DPP10: variants seen among roughly 807,000 people sequenced by gnomAD.
The protein encoded by DPP10 is dipeptidyl peptidase like 10, also known as inactive dipeptidyl peptidase 10.
A neutral mutation model predicts 120.9 loss-of-function variants in DPP10; 33 were observed. The ratio of observed to expected loss-of-function variants is 0.27; its 90% CI spans 0.21 to 0.37. DPP10 has a LOEUF of 0.37. Ranked by LOEUF, DPP10 falls within the 10% of genes least tolerant of loss-of-function variation. The pLI, the probability that DPP10 is intolerant of heterozygous loss-of-function variation, is 1.00. For missense variants in DPP10, 816 were observed against 942.8 expected, an observed-to-expected ratio of 0.87 and a Z score of 1.76; for synonymous variants, 337 against 326.1, an observed-to-expected ratio of 1.03 and a Z score of -0.36.
At chr2:115,116,882 C>G (rs796521604) in intron 1 of DPP10, among the ~76,000 whole-genome samples, 7 of 152,260 alleles carry the variant, frequency 4.6e-5, no homozygotes, top group African/African-American at 1.7e-4. Flanking sequence ...ACATTGAGCT[C>G]AAAACCTTCA....
At chr2:114,473,169 C>G (rs1182779191) in intron 1 of DPP10, among the ~76,000 whole-genome samples, 1 of 152,064 alleles carries the variant, frequency 6.6e-6, no homozygotes, top group Non-Finnish European at 1.5e-5. Flanking sequence ...ATATATAGCC[C>G]CAATCTTCTT....
intron 2 of DPP10, among the ~76,000 whole-genome samples, chr2:115,328,836 A>AT (rs1275920456): frequency 6.6e-6 from 1 of 152,084 alleles, no homozygotes; most frequent in Non-Finnish European, 1.5e-5. Flanking sequence ...TGCAAATGCA[A>AT]AAAATGATGC....
chr2:115,084,967 G>C lies in DPP10; in HGVS notation c.61-224272G>C, dbSNP rs1448774190. 2.0e-5 allele frequency among the ~76,000 whole-genome samples: 3 copies of C among 152,158 alleles called. No homozygotes were observed. In the East Asian group the frequency reaches 5.8e-4, roughly 29 times the overall value. On this transcript the variant is annotated intron_variant, in intron 1 of 25. Transcript: ENST00000410059. ...TTGCAAGTTGGCTTGTTCAGAAAGAGCTGTTTTTGCACCACACTGATGTTC... is the reference window on the plus strand; with the variant it reads ...TTGCAAGTTGGCTTGTTCAGAAAGACCTGTTTTTGCACCACACTGATGTTC...
chr2:115,341,145 G>T (rs1035355898), intron 2 of DPP10, among the ~76,000 whole-genome samples: 1 of 151,686 alleles, frequency 6.6e-6, no homozygotes, highest in Non-Finnish European at 1.5e-5. Flanking sequence ...ATATTTTTTC[G>T]CTTGTGAAAC....
At chr2:115,618,218 G>A (rs763004045) in intron 5 of DPP10, among the ~76,000 whole-genome samples, 2 of 152,168 alleles carry the variant, frequency 1.3e-5, no homozygotes, top group Non-Finnish European at 2.9e-5. Flanking sequence ...CTTTCTACTA[G>A]GGATGAGTGT....
rs10675008 is a variant in DPP10 at position 115,286,526 on chromosome 2, A to ATATATATATATT, written c.61-22713_61-22712insTATATATATATT. Among the ~76,000 whole-genome samples the ATATATATATATT allele has an allele frequency of 2.5e-4, 15 of 60,952 alleles. 1 individual carries two copies. Among genetic ancestry groups the ATATATATATATT allele is most frequent in the East Asian group, 5.8e-4 (1 of 1,734 alleles). The allele number at this position is 60,952 out of a possible 152,430, so 40.0% of individuals were successfully genotyped here. On this transcript the variant is annotated intron_variant, in intron 1 of 25. Transcript: ENST00000410059. The stretch of plus-strand genomic sequence containing the variant: ...TATTACATATATAATATATATATAT[A>ATATATATATATT]ATATATATATATATAAAATATATAC...
intron 1 of DPP10, among the ~76,000 whole-genome samples, chr2:114,776,978 T>TA (rs1681803160): frequency 6.6e-6 from 1 of 151,924 alleles, no homozygotes; most frequent in Admixed American, 6.6e-5. Flanking sequence ...TTTTCAAAAA[T>TA]AAAAAAGATA....
intron 1 of DPP10, among the ~76,000 whole-genome samples, chr2:115,006,784 C>T (rs1382518505): frequency 6.6e-6 from 1 of 151,802 alleles, no homozygotes; most frequent in Non-Finnish European, 1.5e-5. Flanking sequence ...CTTTAACACC[C>T]CACTGTCAAC....
At chr2:114,973,657 G>A (rs1250271844) in intron 1 of DPP10, among the ~76,000 whole-genome samples, 10 of 8,164 alleles carry the variant, frequency 1.2e-3, no homozygotes, top group East Asian at 1.7e-3. Flanking sequence ...GTGAGACTCC[G>A]TCTCAAAAAA....
chr2:115,034,507 A>C (rs1287498562), intron 1 of DPP10, among the ~76,000 whole-genome samples: 2 of 152,178 alleles, frequency 1.3e-5, no homozygotes, highest in Non-Finnish European at 2.9e-5. Flanking sequence ...AAAACCAAAC[A>C]CATGATCTCC....
chr2:115,653,649 T>C (rs72950113), intron 5 of DPP10, among the ~76,000 whole-genome samples: 2,096 of 152,080 alleles, frequency 0.014, 46 homozygotes, highest in African/African-American at 0.048. Flanking sequence ...TCTTTCTTTA[T>C]ATTTCTTGTC....
intron 1 of DPP10, among the ~76,000 whole-genome samples, chr2:114,762,234 C>CA (rs1490565703): frequency 6.6e-6 from 1 of 152,188 alleles, no homozygotes; most frequent in African/African-American, 2.4e-5. Context: ...AAGCCTTAAG[C>CA]ATTAGATCAA....
chr2:115,251,612 T>G (rs2058755738), intron 1 of DPP10, among the ~76,000 whole-genome samples: 1 of 152,150 alleles, frequency 6.6e-6, no homozygotes, highest in African/African-American at 2.4e-5. Context: ...AAAGAATTAC[T>G]TATTAGGAAA....
chr2:114,697,552 C>T (rs1427950794), intron 1 of DPP10, among the ~76,000 whole-genome samples: 1 of 151,846 alleles, frequency 6.6e-6, no homozygotes, highest in Admixed American at 6.6e-5. Context: ...AATTCAAGAA[C>T]AGCCTGTCCA....
At chr2:114,578,625 C>T (rs144792325) in intron 1 of DPP10, among the ~76,000 whole-genome samples, 6 of 152,286 alleles carry the variant, frequency 3.9e-5, no homozygotes, top group Non-Finnish European at 7.4e-5. Flanking sequence ...GGAACTTAAA[C>T]TGTCAGCAAA....
chr2:114,493,416 G>A (rs957693501), intron 1 of DPP10, among the ~76,000 whole-genome samples: 1 of 152,132 alleles, frequency 6.6e-6, no homozygotes, highest in African/African-American at 2.4e-5. Flanking sequence ...AGAATGGCTT[G>A]TGCAGCAGGT....
chr2:115,374,545 C>T (rs528840417), intron 3 of DPP10, among the ~76,000 whole-genome samples: 1 of 152,336 alleles, frequency 6.6e-6, no homozygotes, highest in African/African-American at 2.4e-5. Context: ...GGCAGTGCCC[C>T]AGTGGAGACT....
At chr2:114,883,869 A>G (rs1691844765) in intron 1 of DPP10, among the ~76,000 whole-genome samples, 1 of 152,192 alleles carries the variant, frequency 6.6e-6, no homozygotes, top group Non-Finnish European at 1.5e-5. Flanking sequence ...TGTTCCTCAC[A>G]TGGCATTTGG....
intron 3 of DPP10, among the ~76,000 whole-genome samples, chr2:115,366,857 CAGAT>C (rs928015630): frequency 1.7e-4 from 26 of 152,130 alleles, no homozygotes; most frequent in Middle Eastern, 3.4e-3. Context: ...GCACTGAAAA[CAGAT>C]AGTGTACATG....
Sources: allele counts gnomAD v4.1 joint callset (sites outside exome capture counted in the v4.1 genomes callset), GRCh38; gene constraint gnomAD v4.1.1; transcripts MANE v1.5; gene names NCBI Gene and HGNC (gene_info 2026-07-23, HGNC 2026-07-21).